The following SPPL2A variants were observed in gnomAD, a reference collection of about 807,000 sequenced individuals.
SPPL2A encodes the protein signal peptide peptidase-like 2A.
SPPL2A carries 51 observed loss-of-function variants against 63.8 expected under a neutral mutation model. The ratio of observed to expected loss-of-function variants is 0.80; its 90% CI spans 0.64 to 1.01. SPPL2A has a LOEUF of 1.01. Among genes scored for constraint, SPPL2A ranks in the 50% least tolerant of loss-of-function variants. The pLI, the probability that SPPL2A is intolerant of heterozygous loss-of-function variation, is 0.00. For missense variants in SPPL2A, 553 were observed against 622.7 expected (o/e 0.89, Z 1.19); for synonymous variants, 188 against 205.8 (o/e 0.91, Z 0.74).
intron 11 of SPPL2A, 114 bp downstream of exon 11, chr15:50,726,207 T>C: frequency 6.9e-7 from 1 of 1,459,142 alleles, no homozygotes; most frequent in South Asian, 1.2e-5. Flanking sequence ...GAAATAAGTT[T>C]TACAATACCT....
chr15:50,731,977 G>T (rs1426812085), intron 9 of SPPL2A, among the ~76,000 whole-genome samples: 1 of 148,592 alleles, frequency 6.7e-6, no homozygotes, highest in African/African-American at 2.5e-5. Flanking sequence ...TTTTAGGCAG[G>T]GTGCAGTGGC....
intron 1 of SPPL2A, among the ~76,000 whole-genome samples, chr15:50,755,627 CAAAAAA>C (rs148415568): frequency 8.1e-5 from 4 of 49,542 alleles, no homozygotes; most frequent in Non-Finnish European, 1.0e-4. Flanking sequence ...CACCCTGTCT[CAAAAAA>C]AAAAAAAAAA....
intron 10 of SPPL2A, among the ~76,000 whole-genome samples, chr15:50,727,061 C>A (rs1451914372): frequency 6.6e-6 from 1 of 152,082 alleles, no homozygotes; most frequent in African/African-American, 2.4e-5. Context: ...GTGAGGGGTT[C>A]ATTTAAAAAT....
rs1375450156 is a variant in SPPL2A, at chr15:50,720,044, G to A, written c.1384C>T (p.Gln462Ter). ...FVVLVLMKKGQPALLYLVPCT... is the reference protein window; with the variant it reads ...FVVLVLMKKG The stretch of plus-strand genomic sequence containing the variant: ...GGTACTAAATAGAGGAGAGCAGGTT[G>A]CCCCTTTTTCATCAGCACCAGAACA... Residue 462 changes from glutamine (Q) to a stop codon, truncating the protein, a stop_gained, in exon 14 of 15, where the codon CAA becomes TAA. Transcript: ENST00000261854. LOFTEE classifies it high-confidence loss of function. 6.2e-7 allele frequency: 1 copy of A among 1,613,348 alleles called. No individual in the cohort carries two copies. Among genetic ancestry groups the A allele is most frequent in the Non-Finnish European group, 8.5e-7 (1 of 1,179,476 alleles).
At chr15:50,714,647 AAT>A (rs146237738) in intron 14 of SPPL2A, among the ~76,000 whole-genome samples, 12,547 of 149,500 alleles carry the variant, frequency 0.084, 611 homozygotes, top group South Asian at 0.15. Context: ...AAAAAAAAAA[AAT>A]TTTTTTTCTT....
intron 14 of SPPL2A, among the ~76,000 whole-genome samples, chr15:50,711,652 GC>G (rs1474542979): frequency 6.6e-6 from 1 of 152,082 alleles, no homozygotes; most frequent in Non-Finnish European, 1.5e-5. Flanking sequence ...GGTATAAGTT[GC>G]CCCCTAAAAA....
chr15:50,736,098 T>C lies in SPPL2A; in HGVS notation c.932+3A>G. Reference sequence around the variant, plus strand: ...TAAAAGCAAATACATTGAGTATTCATACCTGTCTTCATTTCGAAACACAGC... The same window carrying C: ...TAAAAGCAAATACATTGAGTATTCACACCTGTCTTCATTTCGAAACACAGC... On this transcript the variant is annotated splice_donor_region_variant and intron_variant, in intron 8 of 14. Transcript: ENST00000261854. 1.3e-6 allele frequency: 2 copies of C among 1,551,990 alleles called. No individual in the cohort carries two copies. The highest frequency in any genetic ancestry group is 2.2e-5 in the East Asian group (1 of 44,520).
Position 50,703,395 on chromosome 15 carries a change from C to G in SPPL2A, c.*4405G>C. 1 of 114,376 alleles carries G rather than the reference C, an allele frequency of 8.7e-6. No homozygotes were observed. Among genetic ancestry groups the G allele is most frequent in the East Asian group, 2.8e-4 (1 of 3,548 alleles). The allele number at this position is 114,376 out of a possible 1,614,324, so 7.1% of individuals were successfully genotyped here. ...TTTTTTTTTTTGAGATGGAGTCTCG[C>G]TCTGTCGCCCAGGCTGGAGTGCAGT... On this transcript the variant is annotated 3_prime_UTR_variant, in exon 15 of 15. Coordinates refer to ENST00000261854, the MANE Select transcript of SPPL2A (RefSeq NM_032802.4).
Position 50,739,833 on chromosome 15 carries a change from A to G in SPPL2A, c.585-5T>C. The G allele has an allele frequency of 6.3e-7, 1 of 1,587,116 alleles. No individual in the cohort carries two copies. Among genetic ancestry groups the G allele is most frequent in the Non-Finnish European group, 8.5e-7 (1 of 1,172,186 alleles). The stretch of plus-strand genomic sequence containing the variant: ...GTCACTGCTTTCAAGTTTTCCCTGT[A>G]CAAACACACAGGAACTTTAGCAAAT... On this transcript the variant is annotated splice_polypyrimidine_tract_variant and splice_region_variant and intron_variant, in intron 5 of 14. Coordinates refer to ENST00000261854, the MANE Select transcript of SPPL2A (RefSeq NM_032802.4).
At position 50,728,917 on chromosome 15, in the gene SPPL2A, G is replaced by A. The variant is rs146925137; in HGVS notation, c.1089+2048C>T. ...CAACCTCCACCTTGTGGGTTCAAGC[G>A]ATTCTCCTGCCTCAGCCCTCCAAGT... is the stretch of plus-strand genomic sequence containing the variant. On this transcript the variant is annotated intron_variant, in intron 10 of 14. Coordinates refer to ENST00000261854, the MANE Select transcript of SPPL2A (RefSeq NM_032802.4). Among the ~76,000 whole-genome samples the A allele has an allele frequency of 3.7e-3, 564 of 151,490 alleles. 5 individuals are homozygous for A. The highest frequency in any genetic ancestry group is 0.013 in the African/African-American group (548 of 41,292).
intron 14 of SPPL2A, among the ~76,000 whole-genome samples, chr15:50,717,257 CCCTAT>C (rs955970942): frequency 1.5e-4 from 23 of 152,106 alleles, no homozygotes; most frequent in African/African-American, 5.6e-4. Flanking sequence ...CCACTGAAGC[CCCTAT>C]CTTCCGGACT....
chr15:50,751,292 T>C (rs1052470515), intron 1 of SPPL2A, among the ~76,000 whole-genome samples: 3 of 152,238 alleles, frequency 2.0e-5, no homozygotes, highest in African/African-American at 7.2e-5. Flanking sequence ...CATGCTAGGT[T>C]ACTTTCATGC....
rs2062485534 is a variant in SPPL2A, at chr15:50,702,877, T to C, written c.*4923A>G. The stretch of plus-strand genomic sequence containing the variant: ...ACATTTATACTTATGATCTTCACTA[T>C]AATATGGCCTATATATTACCCTGTC... On this transcript the variant is annotated 3_prime_UTR_variant, in exon 15 of 15. Transcript: ENST00000261854. The C allele has an allele frequency of 6.6e-6, 1 of 151,206 alleles. No homozygotes were observed. The highest frequency in any genetic ancestry group is 1.5e-5 in the Non-Finnish European group (1 of 68,040). The allele number at this position is 151,206 out of a possible 1,614,324, so 9.4% of individuals were successfully genotyped here. A position where few individuals can be genotyped will look rare whatever the true frequency, so the allele number is the denominator to read the frequency against.
At position 50,703,948 on chromosome 15, in the gene SPPL2A, T is replaced by C. The variant is rs113200641; in HGVS notation, c.*3852A>G. The C allele has an allele frequency of 1.1e-3, 161 of 152,204 alleles. No individual in the cohort carries two copies. The highest frequency in any genetic ancestry group is 3.8e-3 in the African/African-American group (157 of 41,514). The allele number at this position is 152,204 out of a possible 1,614,324, so 9.4% of individuals were successfully genotyped here. On this transcript the variant is annotated 3_prime_UTR_variant, in exon 15 of 15. Coordinates refer to ENST00000261854, the MANE Select transcript of SPPL2A (RefSeq NM_032802.4). Reference sequence around the variant, plus strand: ...ATGTATCAATTCACTAAAATCTCTATGGACAAGTAAAATATAAGAATGCCA... The same window carrying C: ...ATGTATCAATTCACTAAAATCTCTACGGACAAGTAAAATATAAGAATGCCA...
In SPPL2A at chr15:50,730,969, G is replaced by C; in HGVS notation, c.1085C>G (p.Thr362Arg). The change falls in exon 10 of 15, where the codon ACA becomes AGA. Residue 362 changes from threonine (T) to arginine (R), a missense_variant. Thr to Arg is a moderately conservative substitution (Grantham distance 71). Transcript: ENST00000261854. Reference sequence around the variant, plus strand: ...ATTTCAAAAATATGGTCATACCTTTGTGATGAATGGTGTTATGAAAACAAA... The same window carrying C: ...ATTTCAAAAATATGGTCATACCTTTCTGATGAATGGTGTTATGAAAACAAA... ...VFFVFITPFI[T>R]KNGESIMVEL... 1 of 1,295,018 alleles carries C rather than the reference G, an allele frequency of 7.7e-7. No homozygotes were observed. The highest frequency in any genetic ancestry group is 1.2e-5 in the South Asian group (1 of 83,352). 80.2% of individuals were successfully genotyped at this position (1,295,018 alleles called of 1,614,324 possible).
rs35812835 is a variant in SPPL2A, at chr15:50,736,907, G to GTTTTTTTTTTTTTTT, written c.734-168_734-167insAAAAAAAAAAAAAAA. ...ACTAAGCTGAAATTTAGATCGTGAG[G>GTTTTTTTTTTTTTTT]TTTTTTGTTTTTTTTTCTGAGAGTC... On this transcript the variant is annotated intron_variant, in intron 6 of 14. Coordinates refer to ENST00000261854, the MANE Select transcript of SPPL2A (RefSeq NM_032802.4). Among the ~76,000 whole-genome samples the GTTTTTTTTTTTTTTT allele has an allele frequency of 2.7e-5, 4 of 150,504 alleles. 1 individual carries two copies. The highest frequency in any genetic ancestry group is 1.5e-5 in the Non-Finnish European group (1 of 67,576).
At chr15:50,759,475 G>A (rs2062990051) in intron 1 of SPPL2A, among the ~76,000 whole-genome samples, 1 of 152,168 alleles carries the variant, frequency 6.6e-6, no homozygotes, top group African/African-American at 2.4e-5. Flanking sequence ...CAGGCGCAGT[G>A]GCTCACGCCT....
chr15:50,753,584 C>T (rs896639204), intron 1 of SPPL2A, among the ~76,000 whole-genome samples: 1 of 152,156 alleles, frequency 6.6e-6, no homozygotes, highest in African/African-American at 2.4e-5. Context: ...ACAATAAACA[C>T]TCAGACCTCA....
At position 50,706,745 on chromosome 15, in the gene SPPL2A, T is replaced by C. The variant is rs1325215903; in HGVS notation, c.*1055A>G. ...AAACCTTAACATTAACAGAACCAAA[T>C]TGCAAAGATCAGAAATACCAAAGTG... On this transcript the variant is annotated 3_prime_UTR_variant, in exon 15 of 15. Coordinates refer to ENST00000261854, the MANE Select transcript of SPPL2A (RefSeq NM_032802.4). The C allele has an allele frequency of 5.3e-5, 8 of 151,914 alleles. No homozygotes were observed. The highest frequency in any genetic ancestry group is 1.9e-4 in the African/African-American group (8 of 41,338). 9.4% of individuals were successfully genotyped at this position (151,914 alleles called of 1,614,324 possible).
Sources: allele counts gnomAD v4.1 joint callset (sites outside exome capture counted in the v4.1 genomes callset), GRCh38; gene constraint gnomAD v4.1.1; transcripts MANE v1.5; gene names NCBI Gene and HGNC (gene_info 2026-07-23, HGNC 2026-07-21).